Variants in SHROOM2 observed in about 807,000 individuals in gnomAD.
The protein encoded by SHROOM2 is protein Shroom2.
Under a neutral mutation model 75.9 loss-of-function variants are expected in SHROOM2, and 33 were observed. The observed-to-expected ratio is 0.43, with a 90% CI of 0.33 to 0.58. The LOEUF (loss-of-function observed/expected upper bound fraction) is 0.58, where lower values mean the gene tolerates loss of function less well. Ranked by LOEUF, SHROOM2 falls within the 20% of genes least tolerant of loss-of-function variation. SHROOM2 has a pLI of 0.04. For synonymous variants in SHROOM2, 655 were observed against 663.6 expected, an observed-to-expected ratio of 0.99 and a Z score of 0.20; for missense variants, 1,434 against 1,461.2, an observed-to-expected ratio of 0.98 and a Z score of 0.30.
rs760300178 is a variant in SHROOM2 at position 9,818,485 on chromosome X, T to TA, written c.165+31781dup. 12 of 240,351 alleles carry TA rather than the reference T, an allele frequency of 5.0e-5. No individual in the cohort carries two copies. In the East Asian group the frequency reaches 1.2e-3, roughly 23 times the overall value. 19.8% of individuals were successfully genotyped at this position (240,351 alleles called of 1,213,427 possible). ...ACCAGCTGATGACGACCTCTTCTTC[T>TA]AAAAAATCTACATCATACATCTCCT... On this transcript the variant is annotated intron_variant, in intron 1 of 9. Transcript: ENST00000380913.
At chrX:9,911,586 T>TG (rs1014527289) in intron 5 of SHROOM2, among the ~76,000 whole-genome samples, 3 of 110,862 alleles carry the variant, frequency 2.7e-5, no homozygotes, top group African/African-American at 9.9e-5. Context: ...GGAGGGGCTG[T>TG]GGTGCTGAGG....
intron 1 of SHROOM2, among the ~76,000 whole-genome samples, chrX:9,825,954 A>G (rs778026530): frequency 2.7e-5 from 3 of 112,574 alleles, no homozygotes; most frequent in Admixed American, 1.9e-4. Flanking sequence ...GTGTTCCCAC[A>G]GAACCTCTGT....
chrX:9,807,280 C>T (rs1046702231), intron 1 of SHROOM2, among the ~76,000 whole-genome samples: 2 of 112,212 alleles, frequency 1.8e-5, no homozygotes, highest in African/African-American at 3.2e-5. Flanking sequence ...TGTGAAAGGG[C>T]GCTCATCCTT....
chrX:9,907,158 A>T (rs746965428), intron 5 of SHROOM2, among the ~76,000 whole-genome samples: 7 of 111,479 alleles, frequency 6.3e-5, no homozygotes, highest in Non-Finnish European at 1.9e-5. Context: ...AAGACAAGGA[A>T]ACCTCTGAGT....
In SHROOM2 at chrX:9,860,373, G is replaced by T. The variant is rs7891346; in HGVS notation, c.166-13279G>T. Among the ~76,000 whole-genome samples, 1,062 of 111,966 alleles carry T rather than the reference G, an allele frequency of 9.5e-3. 7 individuals are homozygous for T. The highest frequency in any genetic ancestry group is 0.031 in the African/African-American group (944 of 30,830). ...GTATGCACATTCTTCTGTGGGTCTTGTGGTTAACATACATGCACATCACTG... is the reference window on the plus strand; with the variant it reads ...GTATGCACATTCTTCTGTGGGTCTTTTGGTTAACATACATGCACATCACTG... On this transcript the variant is annotated intron_variant, in intron 1 of 9. Coordinates refer to ENST00000380913, the MANE Select transcript of SHROOM2 (RefSeq NM_001649.4).
Position 9,823,100 on chromosome X carries a change from C to CCCTTCT in SHROOM2, c.165+36405_165+36410dup, listed in dbSNP as rs1211977616. Among the ~76,000 whole-genome samples, 387 of 71,209 alleles carry CCCTTCT rather than the reference C, an allele frequency of 5.4e-3. 6 individuals carry two copies. Among genetic ancestry groups the CCCTTCT allele is most frequent in the African/African-American group, 0.021 (375 of 18,268 alleles). The allele number at this position is 71,209 out of a possible 115,157, so 61.8% of individuals were successfully genotyped here. A position where few individuals can be genotyped will look rare whatever the true frequency, so the allele number is the denominator to read the frequency against. ...CCTTCTCCCTTCTCCTCCTCCTTCT[C>CCCTTCT]CCTTCTCCTTCTCCTTCTCCCTTCT... On this transcript the variant is annotated intron_variant, in intron 1 of 9. Coordinates refer to ENST00000380913, the MANE Select transcript of SHROOM2 (RefSeq NM_001649.4).
intron 1 of SHROOM2, among the ~76,000 whole-genome samples, chrX:9,853,364 C>T (rs1463474299): frequency 1.8e-5 from 2 of 112,189 alleles, no homozygotes; most frequent in African/African-American, 3.2e-5. Context: ...ACATCTGTTT[C>T]GTAGGGCTGT....
chrX:9,793,790 G>C (rs2083680581), intron 1 of SHROOM2, among the ~76,000 whole-genome samples: 1 of 108,448 alleles, frequency 9.2e-6, no homozygotes, highest in African/African-American at 3.4e-5. Context: ...TCTTGCTCAA[G>C]CTGGAGTGCA....
At chrX:9,834,295 G>A (rs951980589) in intron 1 of SHROOM2, among the ~76,000 whole-genome samples, 3 of 112,381 alleles carry the variant, frequency 2.7e-5, no homozygotes, top group African/African-American at 9.7e-5. Context: ...CCTGTCAGGA[G>A]GAGGTGGTGT....
At chrX:9,848,636 A>G (rs2084021330) in intron 1 of SHROOM2, among the ~76,000 whole-genome samples, 1 of 110,567 alleles carries the variant, frequency 9.0e-6, no homozygotes, top group South Asian at 3.8e-4. Context: ...AGACTTTATC[A>G]TGTGCTGATT....
chrX:9,793,745 CCTTT>C (rs1319686845), intron 1 of SHROOM2, among the ~76,000 whole-genome samples: 5 of 109,053 alleles, frequency 4.6e-5, no homozygotes, highest in Admixed American at 9.9e-5. Context: ...CTAGCCTCTT[CCTTT>C]CTTTTTTTTT....
At position 9,895,250 on chromosome X, in the gene SHROOM2, G is replaced by A. The variant is rs147084526; in HGVS notation, c.1342G>A (p.Gly448Arg). 412 of 1,187,672 alleles carry A rather than the reference G, an allele frequency of 3.5e-4. No homozygotes were observed. In the African/African-American group the frequency reaches 5.7e-3, roughly 16 times the overall value. ...TGCTGACAGCCTTGGGCAGGAGCCA[G>A]GGGCTGCCAGCTTCCAGAACGACAG... ...LCADSLGQEP[G>R]AASFQNDSPP... The change falls in exon 4 of 10, where the codon GGG (glycine) becomes AGG (arginine). Residue 448 changes from glycine (G) to arginine (R), a missense_variant. Transcript: ENST00000380913.
intron 1 of SHROOM2, among the ~76,000 whole-genome samples, chrX:9,848,505 C>T (rs1368080917): frequency 9.6e-5 from 1 of 10,384 alleles, no homozygotes; most frequent in African/African-American, 3.9e-4. Flanking sequence ...AGCGAGACTC[C>T]GTCTCAAAAA....
intron 2 of SHROOM2, among the ~76,000 whole-genome samples, chrX:9,888,644 A>G (rs184329688): frequency 8.7e-4 from 96 of 110,866 alleles, no homozygotes; most frequent in Middle Eastern, 4.6e-3. Flanking sequence ...GGGTCTTGCT[A>G]TGCTACCCAG....
At chrX:9,812,583 T>C (rs1255141538) in intron 1 of SHROOM2, among the ~76,000 whole-genome samples, 1 of 112,277 alleles carries the variant, frequency 8.9e-6, no homozygotes, top group Non-Finnish European at 1.9e-5. Flanking sequence ...TTTAGTCAGA[T>C]TTATTTCCCA....
intron 1 of SHROOM2, among the ~76,000 whole-genome samples, chrX:9,823,065 CCT>C (rs757906245): frequency 8.0e-5 from 2 of 25,097 alleles, no homozygotes; most frequent in African/African-American, 2.7e-4. Context: ...TCCTCCTCCT[CCT>C]CCTCCTCCCT....
At chrX:9,849,796 A>G (rs1286936669) in intron 1 of SHROOM2, among the ~76,000 whole-genome samples, 1 of 112,071 alleles carries the variant, frequency 8.9e-6, no homozygotes, top group Non-Finnish European at 1.9e-5. Context: ...TGTAGGTACA[A>G]TGAAGATAAC....
At position 9,896,148 on chromosome X, in the gene SHROOM2, G is replaced by A. The variant is rs766352773; in HGVS notation, c.2240G>A (p.Arg747His). The A allele has an allele frequency of 1.3e-5, 16 of 1,207,704 alleles. No individual in the cohort carries two copies. Among genetic ancestry groups the A allele is most frequent in the East Asian group, 3.0e-5 (1 of 33,675 alleles). ...SSTSGGPHPP[R>H]IGGRRRFTAE... The stretch of plus-strand genomic sequence containing the variant: ...ACAAGTGGCGGGCCCCACCCGCCCC[G>A]CATCGGAGGCCGGAGACGGTTCACA... Residue 747 changes from arginine to histidine, a missense_variant, in exon 4 of 10, where the codon CGC (arginine) becomes CAC (histidine). By Grantham distance (29) the Arg-to-His change is conservative (BLOSUM62 0). Transcript: ENST00000380913.
chrX:9,884,854 A>T (rs1052614596), intron 2 of SHROOM2, among the ~76,000 whole-genome samples: 9 of 111,152 alleles, frequency 8.1e-5, no homozygotes, highest in Admixed American at 7.7e-4. Flanking sequence ...TGTCGATACC[A>T]TGGTGTTTTG....
Sources: allele counts gnomAD v4.1 joint callset (sites outside exome capture counted in the v4.1 genomes callset), GRCh38; gene constraint gnomAD v4.1.1; transcripts MANE v1.5; gene names NCBI Gene and HGNC (gene_info 2026-07-23, HGNC 2026-07-21).